Variants in CACNA1G observed in about 807,000 individuals in gnomAD.
The protein encoded by CACNA1G is voltage-dependent T-type calcium channel subunit alpha-1G.
A neutral mutation model predicts 219.4 loss-of-function variants in CACNA1G; 67 were observed. That is an observed-to-expected ratio of 0.31 (90% CI 0.25 to 0.37). The LOEUF is 0.37. CACNA1G is among the 10% of genes least tolerant of loss of function. The pLI is 1.00. For missense variants in CACNA1G, 2,380 were observed against 3,231.4 expected (o/e 0.74, Z 6.39); for synonymous variants, 1,296 against 1,345.3 (o/e 0.96, Z 0.80).
At chr17:50,611,652 G>A (rs2049237649) in intron 26 of CACNA1G, among the ~76,000 whole-genome samples, 1 of 152,210 alleles carries the variant, frequency 6.6e-6, no homozygotes, top group Non-Finnish European at 1.5e-5. Context: ...GATGAGGGGA[G>A]GGAGGGAAGA....
intron 7 of CACNA1G, among the ~76,000 whole-genome samples, chr17:50,575,114 C>A (rs1389651640): frequency 2.0e-5 from 3 of 152,144 alleles, no homozygotes; most frequent in Admixed American, 6.5e-5. Flanking sequence ...TTTGAAAACC[C>A]CATGTCCCTA....
Position 50,571,493 on chromosome 17 carries a change from C to T in CACNA1G, c.587-385C>T, listed in dbSNP as rs974414459. The stretch of plus-strand genomic sequence containing the variant: ...GAAGCCAAAGCCTGGGTTCGAGTTC[C>T]GGCACCTACACTTAGCAGCTGTGTG... On this transcript the variant is annotated intron_variant, in intron 4 of 37. Coordinates refer to ENST00000359106, the MANE Select transcript of CACNA1G (RefSeq NM_018896.5). The surrounding 1 kb of genome is among the most constrained non-coding windows in gnomAD (Gnocchi z 4.3). Among the ~76,000 whole-genome samples, 3 of 152,100 alleles carry T rather than the reference C, an allele frequency of 2.0e-5. No individual in the cohort carries two copies. Among genetic ancestry groups the T allele is most frequent in the Non-Finnish European group, 4.4e-5 (3 of 68,016 alleles).
rs373734475 is a variant in CACNA1G at position 50,624,451 on chromosome 17, C to T, written c.6321C>T (p.Ser2107=). Residue 2107 remains serine, a synonymous_variant, in exon 37 of 38, where the codon AGC becomes AGT. Transcript: ENST00000359106. ...KDAPHLLQPH[S]APTWGTIPKL... is the part of the protein sequence containing the mutation. Reference sequence around the variant, plus strand: ...CACCTCATCTGCTCCAGCCCCACAGCGCCCCAACCTGGGGCACCATCCCCA... The same window carrying T: ...CACCTCATCTGCTCCAGCCCCACAGTGCCCCAACCTGGGGCACCATCCCCA... The T allele has an allele frequency of 1.9e-6, 3 of 1,600,746 alleles. No individual in the cohort carries two copies. Among genetic ancestry groups the T allele is most frequent in the Admixed American group, 1.7e-5 (1 of 58,776 alleles).
At position 50,578,637 on chromosome 17, in the gene CACNA1G, C is replaced by T. The variant is rs561797982; in HGVS notation, c.2301+73C>T. ...GGGGCTGGGGCCTTCTACCTCCCTC[C>T]GCACCCCTCCTCCTGAGCTCAGCTT... On this transcript the variant is annotated intron_variant, in intron 9 of 37. Coordinates refer to ENST00000359106, the MANE Select transcript of CACNA1G (RefSeq NM_018896.5). This position sits in a 1 kb window ranked among gnomAD's most constrained non-coding sequence, Gnocchi z 4.5. The T allele has an allele frequency of 1.8e-5, 25 of 1,417,044 alleles. No individual in the cohort carries two copies. The highest frequency in any genetic ancestry group is 4.7e-5 in the East Asian group (2 of 42,226). The allele number at this position is 1,417,044 out of a possible 1,614,324, so 87.8% of individuals were successfully genotyped here. A position where few individuals can be genotyped will look rare whatever the true frequency, so the allele number is the denominator to read the frequency against.
In CACNA1G at chr17:50,626,274, G is replaced by C. The variant is rs570615756; in HGVS notation, c.6657G>C (p.Thr2219=). ...PETRSSLELD[T]ELSWISGDLL... is the part of the protein sequence containing the mutation. ...CCAGAAGCAGCTTAGAGTTGGACAC[G>C]GAGCTGAGCTGGATTTCAGGAGACC... The change falls in exon 38 of 38, where the codon ACG becomes ACC. Residue 2219 remains threonine, a synonymous_variant. Transcript: ENST00000359106. This position sits in a 1 kb window ranked among gnomAD's most constrained non-coding sequence, Gnocchi z 4.3. 5.0e-6 allele frequency: 8 copies of C among 1,613,446 alleles called. No homozygotes were observed. In the East Asian group the frequency reaches 1.6e-4, roughly 31 times the overall value.
In CACNA1G at chr17:50,604,060, C is replaced by T. The variant is rs535679897; in HGVS notation, c.4170-95C>T. On this transcript the variant is annotated intron_variant, in intron 21 of 37. Coordinates refer to ENST00000359106, the MANE Select transcript of CACNA1G (RefSeq NM_018896.5). ...CTGCCACCAGAGGCCAGGAAGGGAC[C>T]AGTGGTCAAGGTTGGGGGTGGGGAG... The T allele has an allele frequency of 2.3e-6, 3 of 1,318,196 alleles. No homozygotes were observed. The African/African-American group carries it at 4.4e-5, about 19-fold the overall frequency. The allele number at this position is 1,318,196 out of a possible 1,614,324, so 81.7% of individuals were successfully genotyped here. A position where few individuals can be genotyped will look rare whatever the true frequency, so the allele number is the denominator to read the frequency against.
chr17:50,607,239 C>G, intron 24 of CACNA1G: 1 of 514,664 alleles, frequency 1.9e-6, no homozygotes, highest in Non-Finnish European at 3.7e-6. Context: ...TGCAGTGGCT[C>G]ACACCTGTAA....
Position 50,571,963 on chromosome 17 carries a change from C to T in CACNA1G, c.672C>T (p.Ile224=). The T allele has an allele frequency of 6.2e-7, 1 of 1,614,012 alleles. No homozygotes were observed. The highest frequency in any genetic ancestry group is 8.5e-7 in the Non-Finnish European group (1 of 1,179,854). Residue 224 remains isoleucine (I), a synonymous_variant, in exon 5 of 38, where the codon ATC becomes ATT. Transcript: ENST00000359106. This position sits in a 1 kb window ranked among gnomAD's most constrained non-coding sequence, Gnocchi z 4.3. Reference sequence around the variant, plus strand: ...TGCTCTGCTTCTTCGTCTTCTTCATCTTCGGCATCGTCGGCGTCCAGCTGT... The same window carrying T: ...TGCTCTGCTTCTTCGTCTTCTTCATTTTCGGCATCGTCGGCGTCCAGCTGT... ...VLLLCFFVFF[I]FGIVGVQLWA...
intron 1 of CACNA1G, among the ~76,000 whole-genome samples, chr17:50,565,573 C>A (rs559793652): frequency 6.6e-6 from 1 of 152,246 alleles, no homozygotes; most frequent in South Asian, 2.1e-4. Context: ...GGTCCAGGCC[C>A]ATTTTCTCCT....
At chr17:50,612,283 C>G (rs1598653701) in intron 26 of CACNA1G, among the ~76,000 whole-genome samples, 1 of 152,348 alleles carries the variant, frequency 6.6e-6, no homozygotes, top group East Asian at 1.9e-4. Context: ...GTGCTGCTCC[C>G]AGCAGGGGCG....
chr17:50,606,074 C>T, intron 23 of CACNA1G, 51 bp downstream of exon 23: 3 of 1,612,814 alleles, frequency 1.9e-6, no homozygotes, highest in Non-Finnish European at 1.7e-6. Flanking sequence ...CTGGAGGGGG[C>T]ACAGGGCCAT....
chr17:50,599,583 G>C lies in CACNA1G; in HGVS notation c.3414G>C (p.Glu1138Asp). 1 of 1,613,162 alleles carries C rather than the reference G, an allele frequency of 6.2e-7. No individual in the cohort carries two copies. The highest frequency in any genetic ancestry group is 8.5e-7 in the Non-Finnish European group (1 of 1,179,592). ...RRSLLSGEGQ[E>D]SQDEEESSEE... Reference sequence around the variant, plus strand: ...CCCTGTTGTCGGGAGAAGGCCAGGAGAGCCAGGATGAAGAGGAGAGCTCAG... The same window carrying C: ...CCCTGTTGTCGGGAGAAGGCCAGGACAGCCAGGATGAAGAGGAGAGCTCAG... The change falls in exon 17 of 38, where the codon GAG becomes GAC. Residue 1138 changes from glutamate to aspartate, a missense_variant. By Grantham distance (45) the Glu-to-Asp change is conservative. Around this residue, in one of 17 missense-constraint regions of CACNA1G, gnomAD observed 418 missense variants for 434.3 expected, o/e 0.96. Coordinates refer to ENST00000359106, the MANE Select transcript of CACNA1G (RefSeq NM_018896.5).
intron 9 of CACNA1G, among the ~76,000 whole-genome samples, chr17:50,583,523 C>T (rs528192730): frequency 1.8e-3 from 269 of 152,222 alleles, no homozygotes; most frequent in African/African-American, 5.8e-3. Context: ...ATGATTATGC[C>T]AAATGCCGCA....
intron 1 of CACNA1G, among the ~76,000 whole-genome samples, chr17:50,564,329 C>T (rs1034221312): frequency 1.3e-5 from 2 of 151,922 alleles, no homozygotes; most frequent in Non-Finnish European, 2.9e-5. Context: ...GGGAGGAGTT[C>T]CTCCGCATTC....
At chr17:50,598,326 G>A (rs1192033148) in intron 16 of CACNA1G, among the ~76,000 whole-genome samples, 1 of 152,194 alleles carries the variant, frequency 6.6e-6, no homozygotes, top group Non-Finnish European at 1.5e-5. Flanking sequence ...ACTGCACCTG[G>A]CCCATATTTT....
At chr17:50,573,452 G>A (rs2039904592) in intron 7 of CACNA1G, 1 of 220,782 alleles carries the variant, frequency 4.5e-6, no homozygotes, top group East Asian at 1.0e-4. Flanking sequence ...AATGGGAAAG[G>A]GTGATTCTGG....
intron 36 of CACNA1G, 36 bp from the exon 37 acceptor site, chr17:50,624,324 T>TGCCCCCCCCCCCCCCCCCCGG: frequency 8.5e-7 from 1 of 1,177,664 alleles, no homozygotes; most frequent in Non-Finnish European, 1.2e-6. Flanking sequence ...CTCCATTCTC[T>TGCCCCCCCCCCCCCCCCCCGG]CCCCCCACCC....
At chr17:50,624,110 C>G (rs2146461022) in intron 36 of CACNA1G, 35 bp downstream of exon 36, 2 of 1,596,396 alleles carry the variant, frequency 1.3e-6, no homozygotes, top group East Asian at 2.2e-5. Context: ...TTGGCTCACA[C>G]AGGGAGATTC....
Position 50,623,928 on chromosome 17 carries a change from C to T in CACNA1G, c.6082C>T (p.Leu2028=). Residue 2028 remains leucine, a synonymous_variant, in exon 36 of 38, where the codon CTG becomes TTG. Transcript: ENST00000359106. ...ESNMQPHPTE[L]PGPDLLTVRK... ...GCAGATGCAGCCCCACCCCACGGAG[C>T]TGCCAGGACCAGACTTACTGACTGT... The T allele has an allele frequency of 6.2e-7, 1 of 1,611,388 alleles. No individual in the cohort carries two copies. Among genetic ancestry groups the T allele is most frequent in the Non-Finnish European group, 8.5e-7 (1 of 1,178,268 alleles).
Sources: gnomAD v4.1 joint callset for allele counts (sites outside exome capture counted in the v4.1 genomes callset) on GRCh38, gnomAD v4.1.1 for gene constraint, gnomAD v4.1.1 regional missense constraint, Gnocchi (gnomAD v3.1) non-coding constraint, MANE v1.5 for transcripts, NCBI Gene and HGNC (gene_info 2026-07-23, HGNC 2026-07-21) for gene names.